Variants in PREX1 observed in about 807,000 individuals in gnomAD.
PREX1 encodes phosphatidylinositol-3,4,5-trisphosphate dependent Rac exchange factor 1.
PREX1 carries 41 observed loss-of-function variants against 198.3 expected under a neutral mutation model. The observed-to-expected ratio is 0.21, with a 90% CI of 0.16 to 0.27. PREX1 has a LOEUF of 0.27. Ranked by LOEUF, PREX1 falls within the 10% of genes least tolerant of loss-of-function variation. PREX1 has a pLI of 1.00. For synonymous variants in PREX1, 843 were observed against 887.2 expected (o/e 0.95, Z 0.89); for missense variants, 1,620 against 2,200.7 (o/e 0.74, Z 5.28).
chr20:48,806,651 C>T (rs2090413004), intron 1 of PREX1, among the ~76,000 whole-genome samples: 1 of 152,154 alleles, frequency 6.6e-6, no homozygotes, highest in African/African-American at 2.4e-5. Context: ...GGTCACACTC[C>T]CAGTAAGAGG....
At chr20:48,867,684 GCTTGAGAGGCTGAGGCAGGAGAATCA>G in the PREX1 span, among the ~76,000 whole-genome samples, 46,000 of 148,718 alleles carry the variant, frequency 0.31, 7,159 homozygotes, top group African/African-American at 0.35. Flanking sequence ...CAGGAGAATC[GCTTGAGAGGCTGAGGCAGGAGAATCA>G]CTTGAACCGG....
intron 1 of PREX1, among the ~76,000 whole-genome samples, chr20:48,805,265 G>A (rs1257394324): frequency 6.6e-6 from 1 of 152,196 alleles, no homozygotes; most frequent in African/African-American, 2.4e-5. Context: ...AGGTAGGTAG[G>A]GCAGGAATTA....
the PREX1 span, among the ~76,000 whole-genome samples, chr20:48,846,162 G>C: frequency 3.9e-5 from 6 of 152,180 alleles, no homozygotes; most frequent in African/African-American, 1.4e-4. Context: ...ACTTGCCTAC[G>C]GTCACATAGC....
At chr20:48,771,392 T>C (rs2090235166) in intron 1 of PREX1, among the ~76,000 whole-genome samples, 1 of 151,848 alleles carries the variant, frequency 6.6e-6, no homozygotes, top group Non-Finnish European at 1.5e-5. Flanking sequence ...TCCAGGGGAA[T>C]CACTGTTTGG....
At chr20:48,737,856 G>T (rs1296695071) in intron 3 of PREX1, among the ~76,000 whole-genome samples, 3 of 152,156 alleles carry the variant, frequency 2.0e-5, no homozygotes, top group African/African-American at 7.2e-5. Context: ...ATCAGAGAAA[G>T]ACCTGGTCCT....
At chr20:48,864,025 A>G in the PREX1 span, among the ~76,000 whole-genome samples, 1 of 152,212 alleles carries the variant, frequency 6.6e-6, no homozygotes, top group Non-Finnish European at 1.5e-5. Context: ...CAACTATTGA[A>G]GGATATCTTG....
chr20:48,750,806 G>A (rs2090130890), intron 1 of PREX1, among the ~76,000 whole-genome samples: 1 of 152,194 alleles, frequency 6.6e-6, no homozygotes, highest in South Asian at 2.1e-4. Flanking sequence ...CAGGGATCAT[G>A]GCTGGGATGA....
At chr20:48,735,696 G>A (rs992248585) in intron 3 of PREX1, among the ~76,000 whole-genome samples, 3 of 152,038 alleles carry the variant, frequency 2.0e-5, no homozygotes, top group East Asian at 3.9e-4. Flanking sequence ...CATTCCCCAC[G>A]ACAGCCTTAC....
intron 7 of PREX1, 130 bp downstream of exon 7, chr20:48,700,623 G>T: frequency 8.1e-7 from 1 of 1,235,280 alleles, no homozygotes; most frequent in Non-Finnish European, 1.1e-6. Context: ...ATTCCTACTA[G>T]ACAGCACTGA....
intron 14 of PREX1, among the ~76,000 whole-genome samples, chr20:48,674,626 T>G (rs182193755): frequency 6.6e-6 from 1 of 152,188 alleles, no homozygotes; most frequent in Non-Finnish European, 1.5e-5. Context: ...TGTGCACCCT[T>G]GGACCAGGCA....
At chr20:48,662,824 C>G (rs1376274979) in intron 15 of PREX1, among the ~76,000 whole-genome samples, 1 of 152,218 alleles carries the variant, frequency 6.6e-6, no homozygotes, top group African/African-American at 2.4e-5. Context: ...CAATTTCTCT[C>G]CCTGAGAGCC....
chr20:48,789,345 G>C (rs535840963), intron 1 of PREX1, among the ~76,000 whole-genome samples: 2 of 152,184 alleles, frequency 1.3e-5, no homozygotes, highest in Non-Finnish European at 2.9e-5. Context: ...CCTCACCACA[G>C]AGGTTTTCTG....
chr20:48,792,610 C>T (rs1300432048), intron 1 of PREX1, among the ~76,000 whole-genome samples: 1 of 152,122 alleles, frequency 6.6e-6, no homozygotes, highest in Admixed American at 6.5e-5. Flanking sequence ...GAAATAAAAA[C>T]TATCTCCATA....
At chr20:48,803,695 A>G (rs916577610) in intron 1 of PREX1, among the ~76,000 whole-genome samples, 1 of 152,004 alleles carries the variant, frequency 6.6e-6, no homozygotes, top group African/African-American at 2.4e-5. Flanking sequence ...CTCTTAGTAC[A>G]TGTGGTTGTG....
chr20:48,627,476 C>T (rs2089282025), intron 39 of PREX1, 72 bp downstream of exon 39: 1 of 1,525,544 alleles, frequency 6.6e-7, no homozygotes, highest in Non-Finnish European at 9.1e-7. Context: ...AGGCCAGGAG[C>T]ATGATGCCAA....
Position 48,802,905 on chromosome 20 carries a change from T to A in PREX1, c.219+24737A>T, listed in dbSNP as rs1434976985. Among the ~76,000 whole-genome samples, 3 of 151,934 alleles carry A rather than the reference T, an allele frequency of 2.0e-5. No homozygotes were observed. In the East Asian group the frequency reaches 5.8e-4, roughly 29 times the overall value. On this transcript the variant is annotated intron_variant, in intron 1 of 39. Transcript: ENST00000371941. ...AGGGGCCCTGGCCCAAGCTGGGGAG[T>A]GAGGAGCGGGCAAGCCAAGGGGGGC...
intron 5 of PREX1, among the ~76,000 whole-genome samples, chr20:48,717,931 T>C (rs1302179068): frequency 5.9e-5 from 9 of 152,218 alleles, no homozygotes; most frequent in Non-Finnish European, 1.0e-4. Context: ...AGCTAAATGT[T>C]ATCGCCAGCC....
chr20:48,709,384 C>T (rs1438809391), intron 5 of PREX1, among the ~76,000 whole-genome samples: 3 of 152,216 alleles, frequency 2.0e-5, no homozygotes, highest in Non-Finnish European at 1.5e-5. Context: ...ATCGTAGTTA[C>T]GAGCACAAAT....
chr20:48,856,198 C>T, the PREX1 span, among the ~76,000 whole-genome samples: 1 of 152,222 alleles, frequency 6.6e-6, no homozygotes, highest in Non-Finnish European at 1.5e-5. Context: ...CAAGGCCTTG[C>T]TGTCTCCTCC....
Sources: gnomAD v4.1 joint callset for allele counts (sites outside exome capture counted in the v4.1 genomes callset) on GRCh38, gnomAD v4.1.1 for gene constraint, MANE v1.5 for transcripts, NCBI Gene and HGNC (gene_info 2026-07-23, HGNC 2026-07-21) for gene names.